Variants in NOL10 observed in about 807,000 individuals in gnomAD.
NOL10 encodes H_NH0074G24.1.
A neutral mutation model predicts 103.5 loss-of-function variants in NOL10; 58 were observed. The observed-to-expected ratio is 0.56, with a 90% CI of 0.45 to 0.70. The LOEUF (loss-of-function observed/expected upper bound fraction) is 0.70. Among genes scored for constraint, NOL10 ranks in the 30% least tolerant of loss-of-function variants. The probability of loss-of-function intolerance (pLI) is 0.00; values close to 1 mark genes in which losing one functional copy is unlikely to be tolerated. For missense variants in NOL10, 763 were observed against 807.3 expected (o/e 0.95, Z 0.67); for synonymous variants, 287 against 282.5 (o/e 1.02, Z -0.16).
rs1296263330 is a variant in NOL10 at position 10,572,304 on chromosome 2, G to C, written c.1948-114C>G. The C allele has an allele frequency of 3.5e-6, 4 of 1,134,360 alleles. No homozygotes were observed. The African/African-American group carries it at 4.7e-5, about 13-fold the overall frequency. The allele number at this position is 1,134,360 out of a possible 1,614,324, so 70.3% of individuals were successfully genotyped here. A position where few individuals can be genotyped will look rare whatever the true frequency, so the allele number is the denominator to read the frequency against. On this transcript the variant is annotated intron_variant, in intron 20 of 20. Coordinates refer to ENST00000381685, the MANE Select transcript of NOL10 (RefSeq NM_024894.4). Reference sequence around the variant, plus strand: ...ACCAATCTCAGAACTGCTGCCAGGAGAAATGCTGCCCACAGGCTCCAGGGG... The same window carrying C: ...ACCAATCTCAGAACTGCTGCCAGGACAAATGCTGCCCACAGGCTCCAGGGG...
intron 17 of NOL10, among the ~76,000 whole-genome samples, chr2:10,592,499 G>A (rs993358809): frequency 6.6e-6 from 1 of 152,102 alleles, no homozygotes; most frequent in African/African-American, 2.4e-5. Flanking sequence ...GAGAAGGGAG[G>A]GGGCTATGAT....
At chr2:10,621,014 GAACTCCTGAGCTC>G (rs1175408301) in intron 13 of NOL10, among the ~76,000 whole-genome samples, 3 of 152,034 alleles carry the variant, frequency 2.0e-5, no homozygotes, top group Non-Finnish European at 4.4e-5. Context: ...GGCTGGTCTC[GAACTCCTGAGCTC>G]AAAAGATCCA....
chr2:10,606,513 TAGG>T (rs1676267075), intron 14 of NOL10, among the ~76,000 whole-genome samples: 2 of 145,716 alleles, frequency 1.4e-5, no homozygotes, highest in South Asian at 4.2e-4. Context: ...GAGGTTGAGG[TAGG>T]AGAATGACTT....
At chr2:10,596,434 C>T (rs961356865) in intron 17 of NOL10, among the ~76,000 whole-genome samples, 14 of 152,054 alleles carry the variant, frequency 9.2e-5, no homozygotes, top group Non-Finnish European at 1.6e-4. Context: ...AAAGTCCCAT[C>T]GGGGGCTAAT....
chr2:10,572,117 GCCGAACGACGGAGTCTTTT>G lies in NOL10; in HGVS notation c.2002_2020del (p.Lys668ProfsTer4). On this transcript the variant is annotated frameshift_variant, in exon 21 of 21. Coordinates refer to ENST00000381685, the MANE Select transcript of NOL10 (RefSeq NM_024894.4). LOFTEE classifies it high-confidence loss of function. ...TTTGTGTCTTGACTTCAGGTGTCCG[GCCGAACGACGGAGTCTTTT>G]CCTTTCTTGTCGATGCAGTTTCTCA... 1 of 1,613,992 alleles carries G rather than the reference GCCGAACGACGGAGTCTTTT, an allele frequency of 6.2e-7. No individual in the cohort carries two copies. The highest frequency in any genetic ancestry group is 2.2e-5 in the East Asian group (1 of 44,886).
intron 13 of NOL10, among the ~76,000 whole-genome samples, chr2:10,609,847 A>G (rs1184244348): frequency 6.6e-6 from 1 of 152,198 alleles, no homozygotes; most frequent in African/African-American, 2.4e-5. Context: ...TATCCAAGAT[A>G]TTGTCCTCTG....
intron 17 of NOL10, among the ~76,000 whole-genome samples, chr2:10,597,529 T>C (rs767716207): frequency 1.3e-5 from 2 of 152,252 alleles, no homozygotes; most frequent in African/African-American, 2.4e-5. Flanking sequence ...CTTTCCTTAA[T>C]TCATGAGTGA....
chr2:10,649,432 C>T (rs13015561), intron 12 of NOL10, among the ~76,000 whole-genome samples: 8,227 of 149,946 alleles, frequency 0.055, 377 homozygotes, highest in Admixed American at 0.098. Context: ...GCAATTCTCC[C>T]GCCTCAGCCT....
chr2:10,669,511 TATACACACACACAC>T, intron 6 of NOL10, among the ~76,000 whole-genome samples: 1 of 95,144 alleles, frequency 1.1e-5, no homozygotes. Flanking sequence ...CACACACATA[TATACACACACACAC>T]ACACACACAC....
intron 3 of NOL10, among the ~76,000 whole-genome samples, chr2:10,679,440 G>A (rs1377020982): frequency 2.0e-5 from 3 of 152,024 alleles, no homozygotes; most frequent in African/African-American, 7.2e-5. Context: ...GCTGAGGAAG[G>A]AGGATGGCTT....
At chr2:10,587,275 A>ATATATATATATATTTTTTT (rs1280231319) in intron 19 of NOL10, among the ~76,000 whole-genome samples, 1 of 22,584 alleles carries the variant, frequency 4.4e-5, no homozygotes, top group African/African-American at 2.9e-4. Context: ...ATATATATAT[A>ATATATATATATATTTTTTT]TTTTTTTTTT....
intron 17 of NOL10, among the ~76,000 whole-genome samples, chr2:10,599,657 T>G (rs1231040489): frequency 6.6e-6 from 1 of 152,152 alleles, no homozygotes; most frequent in African/African-American, 2.4e-5. Flanking sequence ...AAATTAAAAT[T>G]TAAACAATAT....
chr2:10,618,733 C>G (rs6714413), intron 13 of NOL10, among the ~76,000 whole-genome samples: 1 of 151,910 alleles, frequency 6.6e-6, no homozygotes, highest in Non-Finnish European at 1.5e-5. Flanking sequence ...CACCTACTAC[C>G]CCAATAAACA....
At chr2:10,596,208 T>C (rs1343468253) in intron 17 of NOL10, among the ~76,000 whole-genome samples, 2 of 135,908 alleles carry the variant, frequency 1.5e-5, no homozygotes, top group African/African-American at 5.7e-5. Context: ...CTCAACCTTT[T>C]TGGCACCAGG....
chr2:10,616,217 A>ATTTT (rs533351651), intron 13 of NOL10, among the ~76,000 whole-genome samples: 3 of 95,602 alleles, frequency 3.1e-5, no homozygotes, highest in Non-Finnish European at 5.8e-5. Flanking sequence ...ACCACCCTGC[A>ATTTT]TTTTTTTTTT....
At chr2:10,596,927 C>A (rs1675722794) in intron 17 of NOL10, among the ~76,000 whole-genome samples, 1 of 152,198 alleles carries the variant, frequency 6.6e-6, no homozygotes, top group African/African-American at 2.4e-5. Flanking sequence ...TTTGTGCATA[C>A]TGGAAATTCA....
chr2:10,602,664 C>A, intron 16 of NOL10, 112 bp downstream of exon 16: 1 of 698,336 alleles, frequency 1.4e-6, no homozygotes, highest in Non-Finnish European at 2.4e-6. Flanking sequence ...GTAAAAGATG[C>A]AAATTAAAGA....
At position 10,638,483 on chromosome 2, in the gene NOL10, CTTTT is replaced by C. The variant is rs869294782; in HGVS notation, c.1026+5833_1026+5836del. 9.9e-4 allele frequency among the ~76,000 whole-genome samples: 77 copies of C among 77,768 alleles called. No individual in the cohort carries two copies. The South Asian group carries it at 0.016, about 16-fold the overall frequency. 51.0% of individuals were successfully genotyped at this position (77,768 alleles called of 152,430 possible). On this transcript the variant is annotated intron_variant, in intron 13 of 20. Transcript: ENST00000381685. ...GCACATACCCTTATAGCTGAATTCC[CTTTT>C]TTTTTTTTTTTTTTTTTTTTTTGAG...
Position 10,675,820 on chromosome 2 carries a change from T to A in NOL10, c.263A>T (p.Lys88Met). ...RCYDTYQLSLKFERCLDSEVV... is the reference protein window; with the variant it reads ...RCYDTYQLSLMFERCLDSEVV... ...TTCTGAATCTAAACACCTTTCAAAC[T>A]TCAAGGATAATTGATAGGTGTCATA... Residue 88 changes from lysine to methionine, a missense_variant, in exon 4 of 21, where the codon AAG becomes ATG. Coordinates refer to ENST00000381685, the MANE Select transcript of NOL10 (RefSeq NM_024894.4). 1 of 1,579,030 alleles carries A rather than the reference T, an allele frequency of 6.3e-7. No homozygotes were observed. Among genetic ancestry groups the A allele is most frequent in the Non-Finnish European group, 8.6e-7 (1 of 1,159,566 alleles).
Sources: gnomAD v4.1 joint callset for allele counts (sites outside exome capture counted in the v4.1 genomes callset) on GRCh38, gnomAD v4.1.1 for gene constraint, MANE v1.5 for transcripts, NCBI Gene and HGNC (gene_info 2026-07-23, HGNC 2026-07-21) for gene names.